Variants in SHQ1 observed in about 807,000 individuals in gnomAD.
SHQ1 encodes protein SHQ1 homolog.
Under a neutral mutation model 53.8 loss-of-function variants are expected in SHQ1, and 49 were observed. That is an observed-to-expected ratio of 0.91 (90% CI 0.72 to 1.16). The LOEUF is 1.16. SHQ1 is among the 50% of genes most tolerant of loss of function. SHQ1 has a pLI of 0.00. For synonymous variants in SHQ1, 243 were observed against 251.0 expected (o/e 0.97, Z 0.30); for missense variants, 738 against 683.1 (o/e 1.08, Z -0.90).
At chr3:72,797,657 G>A (rs2106812426) in intron 9 of SHQ1, among the ~76,000 whole-genome samples, 1 of 152,354 alleles carries the variant, frequency 6.6e-6, no homozygotes, top group Admixed American at 6.5e-5. Context: ...TTCACAAGCT[G>A]TGTTTTAACT....
At chr3:72,831,466 TCTC>T (rs1463439497) in intron 5 of SHQ1, among the ~76,000 whole-genome samples, 3 of 152,234 alleles carry the variant, frequency 2.0e-5, no homozygotes, top group African/African-American at 7.2e-5. Context: ...CTTAAACTCC[TCTC>T]CTCATCTGTT....
intron 10 of SHQ1, among the ~76,000 whole-genome samples, chr3:72,761,244 T>A (rs2106718386): frequency 6.6e-6 from 1 of 152,260 alleles, no homozygotes; most frequent in South Asian, 2.1e-4. Flanking sequence ...CAATCACAGC[T>A]CACTGCAGCC....
In SHQ1 at chr3:72,750,408, G is replaced by A; in HGVS notation, c.1610C>T (p.Pro537Leu). 6.2e-7 allele frequency: 1 copy of A among 1,614,128 alleles called. No individual in the cohort carries two copies. Among genetic ancestry groups the A allele is most frequent in the Non-Finnish European group, 8.5e-7 (1 of 1,180,040 alleles). ...TTGTTCCCCAAGCTCCTCTATCAGA[G>A]GCCCAGACACTCCAAGAGGCCAGGA... is the stretch of plus-strand genomic sequence containing the variant. ...ASSWPLGVSG[P>L]LIEELGEQLK... The change falls in exon 11 of 11, where the codon CCT (proline) becomes CTT (leucine). Residue 537 changes from proline to leucine, a missense_variant. Transcript: ENST00000325599.
At chr3:72,768,142 G>A (rs1575681166) in intron 10 of SHQ1, among the ~76,000 whole-genome samples, 1 of 152,216 alleles carries the variant, frequency 6.6e-6, no homozygotes, top group Non-Finnish European at 1.5e-5. Context: ...CAGCAGCAAT[G>A]ATACAACTCT....
downstream of SHQ1, among the ~76,000 whole-genome samples, chr3:72,748,329 C>CAAAAAAAAAAAAAAAAAAAAAAAA (rs572927520): frequency 4.6e-4 from 27 of 58,792 alleles, 1 homozygote; most frequent in East Asian, 1.3e-3. Flanking sequence ...ATGAGGCATG[C>CAAAAAAAAAAAAAAAAAAAAAAAA]AAAAAAAAAA....
At chr3:72,753,346 T>A (rs1705429894) in intron 10 of SHQ1, 1 of 985,442 alleles carries the variant, frequency 1.0e-6, no homozygotes, top group African/African-American at 1.7e-5. Context: ...TTCATTTCAG[T>A]GGAGCTGATG....
At chr3:72,770,718 C>T (rs1010851943) in intron 10 of SHQ1, among the ~76,000 whole-genome samples, 1 of 152,122 alleles carries the variant, frequency 6.6e-6, no homozygotes, top group African/African-American at 2.4e-5. Flanking sequence ...ATACACCTAG[C>T]CTCGAATATC....
Position 72,750,127 on chromosome 3 carries a change from G to T in SHQ1, c.*157C>A. The T allele has an allele frequency of 1.6e-6, 1 of 639,488 alleles. No individual in the cohort carries two copies. Among genetic ancestry groups the T allele is most frequent in the Admixed American group, 3.1e-5 (1 of 32,136 alleles). The allele number at this position is 639,488 out of a possible 1,614,324, so 39.6% of individuals were successfully genotyped here. On this transcript the variant is annotated 3_prime_UTR_variant, in exon 11 of 11. Transcript: ENST00000325599. ...ATGCGATTTTTTCTTCAATATTTTT[G>T]ATCTGCAGTTGGTTGAATCCACAGA...
intron 5 of SHQ1, among the ~76,000 whole-genome samples, chr3:72,830,445 T>C (rs955091416): frequency 7.2e-5 from 11 of 152,216 alleles, no homozygotes; most frequent in Admixed American, 4.6e-4. Flanking sequence ...ATCTGCATGG[T>C]GATAGTAATT....
rs1378772000 is a variant in SHQ1 at position 72,759,493 on chromosome 3, C to T, written c.1182-8657G>A. On this transcript the variant is annotated intron_variant, in intron 10 of 10. Coordinates refer to ENST00000325599, the MANE Select transcript of SHQ1 (RefSeq NM_018130.3). The stretch of plus-strand genomic sequence containing the variant: ...ATCACTTGAGGTCAGGAGTTCGAGA[C>T]CAGCCTGGCCAACATGGGGAAATCC... Among the ~76,000 whole-genome samples, 3 of 152,224 alleles carry T rather than the reference C, an allele frequency of 2.0e-5. No individual in the cohort carries two copies. The East Asian group carries it at 5.8e-4, about 29-fold the overall frequency.
At chr3:72,846,861 A>T (rs1206823850) in intron 1 of SHQ1, among the ~76,000 whole-genome samples, 1 of 152,246 alleles carries the variant, frequency 6.6e-6, no homozygotes, top group Non-Finnish European at 1.5e-5. Flanking sequence ...GATAATCCGT[A>T]TAAAGCACTA....
chr3:72,759,094 T>C lies in SHQ1; in HGVS notation c.1182-8258A>G, dbSNP rs535413844. Among the ~76,000 whole-genome samples the C allele has an allele frequency of 3.3e-5, 5 of 152,338 alleles. No individual in the cohort carries two copies. The East Asian group carries it at 9.6e-4, about 29-fold the overall frequency. On this transcript the variant is annotated intron_variant, in intron 10 of 10. Coordinates refer to ENST00000325599, the MANE Select transcript of SHQ1 (RefSeq NM_018130.3). ...TTCACTCTGTTTGTGTCTTAGTGTC[T>C]CTTCTTTTCTTATGAGGTTACCAGT... is the stretch of plus-strand genomic sequence containing the variant.
chr3:72,814,398 C>T (rs1707241034), intron 8 of SHQ1: 1 of 152,194 alleles, frequency 6.6e-6, no homozygotes, highest in Admixed American at 6.5e-5. Flanking sequence ...TGCTACAAAT[C>T]CTGGTTCTGA....
At chr3:72,811,516 G>A (rs1409445897) in intron 9 of SHQ1, among the ~76,000 whole-genome samples, 2 of 152,168 alleles carry the variant, frequency 1.3e-5, no homozygotes, top group Admixed American at 6.5e-5. Flanking sequence ...CTCAATGATA[G>A]CTCTTTCATC....
At chr3:72,773,222 C>T in intron 10 of SHQ1, 2 of 708,158 alleles carry the variant, frequency 2.8e-6, no homozygotes. Context: ...AGATAAACAT[C>T]TTCAACGAGA....
chr3:72,827,900 G>A (rs530426577), intron 5 of SHQ1, among the ~76,000 whole-genome samples: 43 of 151,866 alleles, frequency 2.8e-4, no homozygotes, highest in African/African-American at 7.5e-4. Flanking sequence ...GACTACAGGC[G>A]CCCGCCACCA....
the SHQ1 span, among the ~76,000 whole-genome samples, chr3:72,731,979 C>A: frequency 6.6e-6 from 1 of 151,644 alleles, no homozygotes; most frequent in South Asian, 2.1e-4. Flanking sequence ...TTCCCACCCC[C>A]ATTCAGGCTT....
the SHQ1 span, among the ~76,000 whole-genome samples, chr3:72,729,973 C>G: frequency 5.9e-5 from 9 of 152,114 alleles, no homozygotes; most frequent in Admixed American, 4.6e-4. Context: ...CGCCCGCCAC[C>G]TCACCAGGCT....
intron 10 of SHQ1, among the ~76,000 whole-genome samples, chr3:72,754,272 G>A (rs192937078): frequency 1.1e-3 from 160 of 152,174 alleles, no homozygotes; most frequent in African/African-American, 3.9e-3. Flanking sequence ...AACAAGGGGC[G>A]GTCACGACTG....
Sources: gnomAD v4.1 joint callset for allele counts (sites outside exome capture counted in the v4.1 genomes callset) on GRCh38, gnomAD v4.1.1 for gene constraint, MANE v1.5 for transcripts, NCBI Gene and HGNC (gene_info 2026-07-23, HGNC 2026-07-21) for gene names.